RAET1E: variants seen among roughly 807,000 people sequenced by gnomAD.
RAET1E encodes NKG2D ligand 4.
A neutral mutation model predicts 21.1 loss-of-function variants in RAET1E; 27 were observed. The observed-to-expected ratio is 1.28, with a 90% CI of 0.94 to 1.76. The LOEUF (loss-of-function observed/expected upper bound fraction) is 1.76, where lower values mean the gene tolerates loss of function less well. Among genes scored for constraint, RAET1E ranks in the 40% most tolerant of loss-of-function variants. RAET1E has a pLI of 0.00. For synonymous variants in RAET1E, 113 were observed against 115.0 expected, an observed-to-expected ratio of 0.98 and a Z score of 0.11; for missense variants, 310 against 311.3, an observed-to-expected ratio of 1.00 and a Z score of 0.03.
intron 3 of RAET1E, 28 bp from the exon 4 acceptor site, chr6:149,890,173 C>T: frequency 2.5e-6 from 4 of 1,611,616 alleles, no homozygotes; most frequent in African/African-American, 1.3e-5. Flanking sequence ...AGGTGAGGTC[C>T]AGGACAGGGG....
rs566287720 is a variant in RAET1E at position 149,884,995 on chromosome 6, C to T, written c.*3503G>A. Among the ~76,000 whole-genome samples, 4 of 152,298 alleles carry T rather than the reference C, an allele frequency of 2.6e-5. No homozygotes were observed. The highest frequency in any genetic ancestry group is 1.3e-4 in the Admixed American group (2 of 15,306). On this transcript the variant is annotated 3_prime_UTR_variant, in exon 6 of 6. Transcript: ENST00000357183. Reference sequence around the variant, plus strand: ...CTTCTGCTCACAATCCCCTCTCCCACGGTCTGTGTGGCCCTGCCTCCAGCC... The same window carrying T: ...CTTCTGCTCACAATCCCCTCTCCCATGGTCTGTGTGGCCCTGCCTCCAGCC...
rs575679957 is a variant in RAET1E, at chr6:149,887,514, C to A, written c.*984G>T. On this transcript the variant is annotated 3_prime_UTR_variant, in exon 6 of 6. Transcript: ENST00000357183. ...AAGCCTGTTGTGACACCGATCTTGGCAAACTCACTTTTCATGTCAGGGCCC... is the reference window on the plus strand; with the variant it reads ...AAGCCTGTTGTGACACCGATCTTGGAAAACTCACTTTTCATGTCAGGGCCC... 6.6e-5 allele frequency among the ~76,000 whole-genome samples: 10 copies of A among 152,292 alleles called. No homozygotes were observed. In the East Asian group the frequency reaches 1.5e-3, roughly 23 times the overall value.
chr6:149,894,309 T>C (rs1351337905), intron 2 of RAET1E, among the ~76,000 whole-genome samples: 3 of 152,234 alleles, frequency 2.0e-5, no homozygotes, highest in Non-Finnish European at 4.4e-5. Flanking sequence ...TTCCTGAATT[T>C]GAATGTTGGC....
chr6:149,888,514 G>A lies in RAET1E; in HGVS notation c.776C>T (p.Pro259Leu), dbSNP rs775926805. The A allele has an allele frequency of 3.1e-6, 5 of 1,612,596 alleles. No individual in the cohort carries two copies. Among genetic ancestry groups the A allele is most frequent in the Non-Finnish European group, 4.2e-6 (5 of 1,179,660 alleles). The part of the protein sequence containing the change: ...QNGEWQAGLW[P>L]LRTS ...CTTACCAGACTAAGACGTCCTCAAGGGCCAGAGACCAGCCTGCCACTCACC... is the reference window on the plus strand; with the variant it reads ...CTTACCAGACTAAGACGTCCTCAAGAGCCAGAGACCAGCCTGCCACTCACC... The change falls in exon 6 of 6, where the codon CCC becomes CTC. Residue 259 changes from proline to leucine, a missense_variant. By Grantham distance (98) the Pro-to-Leu change is moderately conservative (BLOSUM62 -3). Coordinates refer to ENST00000357183, the MANE Select transcript of RAET1E (RefSeq NM_001394057.1).
At position 149,887,911 on chromosome 6, in the gene RAET1E, T is replaced by A. The variant is rs1369152265; in HGVS notation, c.*587A>T. Among the ~76,000 whole-genome samples the A allele has an allele frequency of 6.6e-6, 1 of 152,136 alleles. No homozygotes were observed. The highest frequency in any genetic ancestry group is 1.9e-4 in the East Asian group (1 of 5,184). ...GTCTGGCAATGTGTCTGGCATATAA[T>A]AGTTCTCTCAGCCAGGTGTGTTGGC... On this transcript the variant is annotated 3_prime_UTR_variant, in exon 6 of 6. Transcript: ENST00000357183.
rs1554263153 is a variant in RAET1E, at chr6:149,888,692, A to AAAG, written c.623-26_623-25insCTT. ...ACTAAAAAAAAAAAAAAAAAGAAAA[A>AAAG]AAAGCACAAGCCCTGTCACATAAAA... On this transcript the variant is annotated intron_variant, in intron 5 of 5. Coordinates refer to ENST00000357183, the MANE Select transcript of RAET1E (RefSeq NM_001394057.1). The AAAG allele has an allele frequency of 3.0e-5, 44 of 1,468,958 alleles. 1 individual carries two copies. The highest frequency in any genetic ancestry group is 1.6e-4 in the Admixed American group (6 of 37,318). 91.0% of individuals were successfully genotyped at this position (1,468,958 alleles called of 1,614,324 possible). A position where few individuals can be genotyped will look rare whatever the true frequency, so the allele number is the denominator to read the frequency against.
In RAET1E at chr6:149,884,652, T is replaced by C. The variant is rs955286325; in HGVS notation, c.*3846A>G. ...CACATTCTGCCTCTCTGTCATCTAG[T>C]TTATGATTGTTCACTTTCCGTTACT... On this transcript the variant is annotated 3_prime_UTR_variant, in exon 6 of 6. Transcript: ENST00000357183. 1 of 700,002 alleles carries C rather than the reference T, an allele frequency of 1.4e-6. No homozygotes were observed. Among genetic ancestry groups the C allele is most frequent in the Admixed American group, 2.2e-5 (1 of 45,684 alleles). 43.4% of individuals were successfully genotyped at this position (700,002 alleles called of 1,614,324 possible).
intron 2 of RAET1E, among the ~76,000 whole-genome samples, chr6:149,892,279 C>A (rs1237136574): frequency 6.6e-6 from 1 of 152,226 alleles, no homozygotes; most frequent in Non-Finnish European, 1.5e-5. Context: ...TAAGGAATTG[C>A]CACACTGTCT....
chr6:149,897,140 C>T (rs934173182), intron 1 of RAET1E, among the ~76,000 whole-genome samples: 7 of 152,186 alleles, frequency 4.6e-5, no homozygotes, highest in African/African-American at 1.2e-4. Context: ...TCAATCAGTC[C>T]TTCCACTTCA....
At position 149,886,498 on chromosome 6, in the gene RAET1E, G is replaced by T. The variant is rs566370540; in HGVS notation, c.*2000C>A. On this transcript the variant is annotated 3_prime_UTR_variant, in exon 6 of 6. Coordinates refer to ENST00000357183, the MANE Select transcript of RAET1E (RefSeq NM_001394057.1). ...CAAACTCCGCCTCCTGAGTTCAAGC[G>T]ATTCTCCTGTCTCAGCCTCCCGAGT... 6.6e-6 allele frequency among the ~76,000 whole-genome samples: 1 copy of T among 152,204 alleles called. No homozygotes were observed. The highest frequency in any genetic ancestry group is 1.5e-5 in the Non-Finnish European group (1 of 68,038).
In RAET1E at chr6:149,885,050, C is replaced by T. The variant is rs1777548476; in HGVS notation, c.*3448G>A. On this transcript the variant is annotated 3_prime_UTR_variant, in exon 6 of 6. Coordinates refer to ENST00000357183, the MANE Select transcript of RAET1E (RefSeq NM_001394057.1). ...TTGTTGGAGCCCAGGCAGCCTTCTTCATTATGTCCTCCTAGGAATTAAACC... is the reference window on the plus strand; with the variant it reads ...TTGTTGGAGCCCAGGCAGCCTTCTTTATTATGTCCTCCTAGGAATTAAACC... Among the ~76,000 whole-genome samples the T allele has an allele frequency of 6.6e-6, 1 of 152,178 alleles. No individual in the cohort carries two copies. The highest frequency in any genetic ancestry group is 1.5e-5 in the Non-Finnish European group (1 of 68,010).
At chr6:149,897,691 G>A (rs1217894938) in intron 1 of RAET1E, among the ~76,000 whole-genome samples, 3 of 152,130 alleles carry the variant, frequency 2.0e-5, no homozygotes, top group East Asian at 1.9e-4. Flanking sequence ...AAGAGAAGTC[G>A]GAAAGAAGGA....
rs376209212 is a variant in RAET1E, at chr6:149,886,427, C to G, written c.*2071G>C. On this transcript the variant is annotated 3_prime_UTR_variant, in exon 6 of 6. Coordinates refer to ENST00000357183, the MANE Select transcript of RAET1E (RefSeq NM_001394057.1). ...ATTTATTTATTGAGATGGAATCTCACTCTGTCACCCAGGCTGGAGTGCAAT... is the reference window on the plus strand; with the variant it reads ...ATTTATTTATTGAGATGGAATCTCAGTCTGTCACCCAGGCTGGAGTGCAAT... Among the ~76,000 whole-genome samples the G allele has an allele frequency of 6.6e-6, 1 of 152,176 alleles. No homozygotes were observed. The highest frequency in any genetic ancestry group is 1.5e-5 in the Non-Finnish European group (1 of 68,034).
intron 2 of RAET1E, 23 bp from the exon 3 acceptor site, chr6:149,891,057 C>T (rs1307556833): frequency 1.1e-5 from 6 of 554,480 alleles, no homozygotes; most frequent in African/African-American, 1.9e-5. Flanking sequence ...AATTAAAGAA[C>T]AATTTTGTGA....
chr6:149,888,558 G>A lies in RAET1E; in HGVS notation c.732C>T (p.Ile244=). Residue 244 remains isoleucine, a synonymous_variant, in exon 6 of 6, where the codon ATC becomes ATT. Transcript: ENST00000357183. ...ACTCACCATTTTGCCACCAGACACAGATGAGAACAATTCCCATTAAAACTA... is the reference window on the plus strand; with the variant it reads ...ACTCACCATTTTGCCACCAGACACAAATGAGAACAATTCCCATTAAAACTA... The part of the protein sequence containing the change: ...ILLVLMGIVL[I]CVWWQNGEWQ... The A allele has an allele frequency of 3.1e-6, 5 of 1,612,844 alleles. No individual in the cohort carries two copies. The highest frequency in any genetic ancestry group is 4.2e-6 in the Non-Finnish European group (5 of 1,179,750).
chr6:149,884,566 C>T lies in RAET1E; in HGVS notation c.*3932G>A. The stretch of plus-strand genomic sequence containing the variant: ...TCAGATCAGCTCAGGATTGACCCCT[C>T]CGTGATCTCTCAGGACTCAGATCCC... On this transcript the variant is annotated 3_prime_UTR_variant, in exon 6 of 6. Coordinates refer to ENST00000357183, the MANE Select transcript of RAET1E (RefSeq NM_001394057.1). The T allele has an allele frequency of 1.4e-6, 2 of 1,452,172 alleles. No individual in the cohort carries two copies. Among genetic ancestry groups the T allele is most frequent in the South Asian group, 1.2e-5 (1 of 82,228 alleles). 90.0% of individuals were successfully genotyped at this position (1,452,172 alleles called of 1,614,324 possible). A position where few individuals can be genotyped will look rare whatever the true frequency, so the allele number is the denominator to read the frequency against.
In RAET1E at chr6:149,889,503, G is replaced by C. The variant is rs781252773; in HGVS notation, c.467C>G (p.Thr156Ser). 2 of 1,614,138 alleles carry C rather than the reference G, an allele frequency of 1.2e-6. No individual in the cohort carries two copies. Among genetic ancestry groups the C allele is most frequent in the Non-Finnish European group, 1.7e-6 (2 of 1,180,040 alleles). The part of the protein sequence containing the change: ...KSLLFDAMNM[T>S]WTVINHEASK... ...GGCTTCATGATTAATTACTGTCCAG[G>C]TCATGTTCATTGCGTCAAAGAGGAG... The change falls in exon 5 of 6, where the codon ACC (threonine) becomes AGC (serine). Residue 156 changes from threonine to serine, a missense_variant. Transcript: ENST00000357183.
Position 149,884,654 on chromosome 6 carries a change from T to C in RAET1E, c.*3844A>G. 2 of 701,226 alleles carry C rather than the reference T, an allele frequency of 2.9e-6. No individual in the cohort carries two copies. Among genetic ancestry groups the C allele is most frequent in the Non-Finnish European group, 4.9e-6 (2 of 407,080 alleles). The allele number at this position is 701,226 out of a possible 1,614,324, so 43.4% of individuals were successfully genotyped here. ...CATTCTGCCTCTCTGTCATCTAGTT[T>C]ATGATTGTTCACTTTCCGTTACTTC... On this transcript the variant is annotated 3_prime_UTR_variant, in exon 6 of 6. Coordinates refer to ENST00000357183, the MANE Select transcript of RAET1E (RefSeq NM_001394057.1).
chr6:149,883,198 A>AT lies in RAET1E; in HGVS notation c.*5299dup, dbSNP rs1382117909. ...TGAAAACAGAGTTGCAAATAAGTTT[A>AT]TAATTTGTAAAGATCTGATAAAAAT... On this transcript the variant is annotated 3_prime_UTR_variant, in exon 6 of 6. Transcript: ENST00000357183. Among the ~76,000 whole-genome samples the AT allele has an allele frequency of 6.6e-6, 1 of 152,216 alleles. No individual in the cohort carries two copies. The highest frequency in any genetic ancestry group is 1.5e-5 in the Non-Finnish European group (1 of 68,038).
Sources: gnomAD v4.1 joint callset for allele counts (sites outside exome capture counted in the v4.1 genomes callset) on GRCh38, gnomAD v4.1.1 for gene constraint, MANE v1.5 for transcripts, NCBI Gene and HGNC (gene_info 2026-07-23, HGNC 2026-07-21) for gene names.